The following CPNE5 variants were observed in gnomAD, a reference collection of about 807,000 sequenced individuals.
CPNE5 encodes the protein copine 5, also known as copine-5.
A neutral mutation model predicts 81.1 loss-of-function variants in CPNE5; 42 were observed. That is an observed-to-expected ratio of 0.52 (90% CI 0.40 to 0.67). The LOEUF is 0.67. Ranked by LOEUF, CPNE5 falls within the 30% of genes least tolerant of loss-of-function variation. The pLI is 0.00. For missense variants in CPNE5, 612 were observed against 815.5 expected, an observed-to-expected ratio of 0.75 and a Z score of 3.04; for synonymous variants, 313 against 321.5, an observed-to-expected ratio of 0.97 and a Z score of 0.28.
chr6:36,793,336 G>A (rs950859130), intron 7 of CPNE5, among the ~76,000 whole-genome samples: 2 of 152,172 alleles, frequency 1.3e-5, no homozygotes, highest in Non-Finnish European at 2.9e-5. Context: ...CCCCTGCCAC[G>A]GACAGGGGAC....
At chr6:36,775,296 G>A (rs1211096886) in intron 9 of CPNE5, among the ~76,000 whole-genome samples, 1 of 152,168 alleles carries the variant, frequency 6.6e-6, no homozygotes, top group African/African-American at 2.4e-5. Context: ...CCTGGAGGTG[G>A]GGACAAGTCC....
At chr6:36,774,119 C>T (rs1408148414) in intron 10 of CPNE5, among the ~76,000 whole-genome samples, 1 of 150,242 alleles carries the variant, frequency 6.7e-6, no homozygotes, top group East Asian at 1.9e-4. Flanking sequence ...CATGGTGGTT[C>T]ACACCTGTAA....
chr6:36,820,793 T>C (rs1368884067), intron 3 of CPNE5, among the ~76,000 whole-genome samples: 1 of 151,712 alleles, frequency 6.6e-6, no homozygotes, highest in Non-Finnish European at 1.5e-5. Flanking sequence ...AAAAAAATTG[T>C]TTTTAATTAG....
chr6:36,745,280 G>A, intron 17 of CPNE5, 108 bp downstream of exon 17: 1 of 1,464,920 alleles, frequency 6.8e-7, no homozygotes, highest in Non-Finnish European at 9.3e-7. Context: ...AGGGCTCCCT[G>A]AAAGGCAAGT....
chr6:36,772,173 A>G (rs1482660147), intron 10 of CPNE5, among the ~76,000 whole-genome samples: 1 of 152,006 alleles, frequency 6.6e-6, no homozygotes, highest in African/African-American at 2.4e-5. Flanking sequence ...GGGATCCCCA[A>G]TTCCTTCTGC....
At chr6:36,814,088 C>A (rs549012995) in intron 3 of CPNE5, among the ~76,000 whole-genome samples, 75 of 152,266 alleles carry the variant, frequency 4.9e-4, no homozygotes, top group Middle Eastern at 3.4e-3. Flanking sequence ...CAAGTTCAGG[C>A]CTCATCTGAC....
intron 3 of CPNE5, among the ~76,000 whole-genome samples, chr6:36,812,815 C>T (rs1234532591): frequency 6.6e-6 from 1 of 152,242 alleles, no homozygotes; most frequent in African/African-American, 2.4e-5. Flanking sequence ...CCTCTCTTTG[C>T]AGAGGCAGAC....
At chr6:36,780,414 G>A (rs752893982) in intron 8 of CPNE5, among the ~76,000 whole-genome samples, 15 of 152,114 alleles carry the variant, frequency 9.9e-5, no homozygotes, top group African/African-American at 3.4e-4. Context: ...TTAGGAATAC[G>A]GCTGCTGGAG....
intron 12 of CPNE5, among the ~76,000 whole-genome samples, chr6:36,756,788 TAC>T (rs1765519335): frequency 6.6e-6 from 1 of 152,170 alleles, no homozygotes; most frequent in Non-Finnish European, 1.5e-5. Flanking sequence ...CCATCCCTCT[TAC>T]TTGGCAGCAA....
At chr6:36,788,730 G>A (rs1387147606) in intron 8 of CPNE5, among the ~76,000 whole-genome samples, 1 of 148,622 alleles carries the variant, frequency 6.7e-6, no homozygotes, top group African/African-American at 2.4e-5. Context: ...CCCTTCGGGA[G>A]ACCAACCTCA....
chr6:36,823,158 G>A (rs1772209604), intron 1 of CPNE5, 60 bp from the exon 2 acceptor site: 2 of 1,410,624 alleles, frequency 1.4e-6, no homozygotes, highest in Non-Finnish European at 1.9e-6. Flanking sequence ...CGACCTCAGG[G>A]GATTCAGGCT....
chr6:36,798,075 A>T (rs1769755939), intron 6 of CPNE5, 90 bp downstream of exon 6: 3 of 942,056 alleles, frequency 3.2e-6, no homozygotes, highest in Non-Finnish European at 5.0e-6. Context: ...AGTCATAGCC[A>T]GCTGACTGCT....
At chr6:36,751,820 T>TAAAAA in intron 14 of CPNE5, among the ~76,000 whole-genome samples, 2 of 151,904 alleles carry the variant, frequency 1.3e-5, no homozygotes, top group Middle Eastern at 3.4e-3. Flanking sequence ...TAAAATAAAA[T>TAAAAA]AAAATAAACA....
At chr6:36,752,800 C>T (rs867791003) in intron 14 of CPNE5, among the ~76,000 whole-genome samples, 2 of 152,204 alleles carry the variant, frequency 1.3e-5, no homozygotes, top group Admixed American at 6.5e-5. Flanking sequence ...CTGACATGAC[C>T]CAGGCCAGCC....
intron 1 of CPNE5, among the ~76,000 whole-genome samples, chr6:36,825,163 C>T (rs1362425208): frequency 6.6e-6 from 1 of 152,148 alleles, no homozygotes; most frequent in African/African-American, 2.4e-5. Flanking sequence ...TGTCGGGCAA[C>T]TTGACCCCAT....
chr6:36,747,624 A>G (rs1219558431), intron 15 of CPNE5, among the ~76,000 whole-genome samples: 1 of 152,146 alleles, frequency 6.6e-6, no homozygotes, highest in Non-Finnish European at 1.5e-5. Context: ...GGCATTTTTG[A>G]TTGGTGCAAA....
At position 36,742,174 on chromosome 6, in the gene CPNE5, G is replaced by T; in HGVS notation, c.*94C>A. ...CTCCCAGGCACACAGATGTCCCAAA[G>T]GCCGGGCAGGCCAACTTCGGGGAGT... On this transcript the variant is annotated 3_prime_UTR_variant, in exon 21 of 21. Transcript: ENST00000244751. The T allele has an allele frequency of 1.0e-6, 1 of 965,104 alleles. No individual in the cohort carries two copies. Among genetic ancestry groups the T allele is most frequent in the Non-Finnish European group, 1.5e-6 (1 of 657,752 alleles). 59.8% of individuals were successfully genotyped at this position (965,104 alleles called of 1,614,324 possible). A position where few individuals can be genotyped will look rare whatever the true frequency, so the allele number is the denominator to read the frequency against.
chr6:36,742,567 C>T, intron 20 of CPNE5, 81 bp from the exon 21 acceptor site: 1 of 723,410 alleles, frequency 1.4e-6, no homozygotes, highest in Non-Finnish European at 2.5e-6. Context: ...GGGTTGCATC[C>T]CCACCCCCCT....
chr6:36,758,794 C>A (rs567621891), intron 12 of CPNE5, among the ~76,000 whole-genome samples: 1 of 152,054 alleles, frequency 6.6e-6, no homozygotes, highest in Non-Finnish European at 1.5e-5. Flanking sequence ...GGGAAGTTCA[C>A]GTGGGAGGTC....
Sources: allele counts gnomAD v4.1 joint callset (sites outside exome capture counted in the v4.1 genomes callset), GRCh38; gene constraint gnomAD v4.1.1; transcripts MANE v1.5; gene names NCBI Gene and HGNC (gene_info 2026-07-23, HGNC 2026-07-21).